Variants in BTG3 observed in about 807,000 individuals in gnomAD.
BTG3 encodes BTG anti-proliferation factor 3.
Under a neutral mutation model 25.8 loss-of-function variants are expected in BTG3, and 4 were observed. That is an observed-to-expected ratio of 0.16 (90% CI 0.08 to 0.36). The LOEUF (loss-of-function observed/expected upper bound fraction) is 0.36. Ranked by LOEUF, BTG3 falls within the 10% of genes least tolerant of loss-of-function variation. The pLI, the probability that BTG3 is intolerant of heterozygous loss-of-function variation, is 1.00. For missense variants in BTG3, 201 were observed against 304.9 expected, an observed-to-expected ratio of 0.66 and a Z score of 2.54; for synonymous variants, 107 against 99.9, an observed-to-expected ratio of 1.07 and a Z score of -0.42.
chr21:17,594,692 A>C (rs2061481647), intron 4 of BTG3, among the ~76,000 whole-genome samples: 3 of 152,168 alleles, frequency 2.0e-5, no homozygotes, highest in Non-Finnish European at 4.4e-5. Context: ...GAGGCTTTTA[A>C]ATACAAAACA....
chr21:17,599,706 C>CT (rs2061548557), intron 3 of BTG3, among the ~76,000 whole-genome samples: 1 of 152,144 alleles, frequency 6.6e-6, no homozygotes, highest in South Asian at 2.1e-4. Flanking sequence ...TCTTGAACTC[C>CT]TGACCTCAGG....
At chr21:17,605,050 G>A (rs1054784698) in intron 2 of BTG3, 53 bp from the exon 3 acceptor site, 139 of 1,578,428 alleles carry the variant, frequency 8.8e-5, no homozygotes, top group Middle Eastern at 1.7e-4. Flanking sequence ...AATCATAAAC[G>A]CCGTAATATC....
chr21:17,604,312 G>A (rs188337834), intron 3 of BTG3: 1 of 229,264 alleles, frequency 4.4e-6, no homozygotes, highest in East Asian at 1.7e-4. Flanking sequence ...GGGCACAGTG[G>A]TGGGCGCCTG....
At chr21:17,605,942 T>C (rs953644608) in intron 2 of BTG3, among the ~76,000 whole-genome samples, 1 of 152,194 alleles carries the variant, frequency 6.6e-6, no homozygotes, top group African/African-American at 2.4e-5. Flanking sequence ...AGTTAATTGA[T>C]GAATAGTAAT....
chr21:17,594,615 A>G (rs1347949681), intron 4 of BTG3, among the ~76,000 whole-genome samples: 2 of 152,100 alleles, frequency 1.3e-5, no homozygotes, highest in African/African-American at 4.8e-5. Flanking sequence ...GAACGAATGG[A>G]AGCTTGTAAG....
chr21:17,596,736 T>C (rs1030543119), intron 4 of BTG3, among the ~76,000 whole-genome samples: 2 of 152,108 alleles, frequency 1.3e-5, no homozygotes, highest in Non-Finnish European at 2.9e-5. Flanking sequence ...ATCCTCCTTT[T>C]TTAAAATTTT....
chr21:17,612,509 C>T (rs1283323528), intron 1 of BTG3, 190 bp downstream of exon 1: 3 of 150,782 alleles, frequency 2.0e-5, no homozygotes, highest in Non-Finnish European at 4.4e-5. Context: ...GGGCCGCCCT[C>T]GCGGCCCGCA....
intron 2 of BTG3, among the ~76,000 whole-genome samples, chr21:17,607,293 A>C (rs1209231470): frequency 1.3e-5 from 2 of 152,178 alleles, no homozygotes; most frequent in African/African-American, 2.4e-5. Context: ...TGGCACTTCC[A>C]AAAAGCCTTC....
chr21:17,607,422 TAA>T (rs964680841), intron 2 of BTG3, among the ~76,000 whole-genome samples: 4 of 152,122 alleles, frequency 2.6e-5, no homozygotes, highest in African/African-American at 9.7e-5. Context: ...AGAGATAAGA[TAA>T]AAAATGACTT....
At chr21:17,598,491 G>GTTC in intron 4 of BTG3, 126 bp downstream of exon 4, 1 of 764,084 alleles carries the variant, frequency 1.3e-6, no homozygotes. Context: ...CCTTAGCATG[G>GTTC]GGAAAGGCAA....
Position 17,606,372 on chromosome 21 carries a change from G to A in BTG3, c.174-1375C>T, listed in dbSNP as rs2824391. 6.3e-3 allele frequency among the ~76,000 whole-genome samples: 965 copies of A among 152,098 alleles called. 59 individuals are homozygous for A. In the East Asian group the frequency reaches 0.13, roughly 21 times the overall value. On this transcript the variant is annotated intron_variant, in intron 2 of 4. Coordinates refer to ENST00000348354, the MANE Select transcript of BTG3 (RefSeq NM_006806.5). ...CCTGTATATACGTACCTATCTTAGC[G>A]TCACCATTAACAATATAACAAAGGC...
At chr21:17,600,656 C>CA (rs1264066727) in intron 3 of BTG3, among the ~76,000 whole-genome samples, 2 of 149,104 alleles carry the variant, frequency 1.3e-5, no homozygotes, top group African/African-American at 4.9e-5. Flanking sequence ...CCCTGTCTCT[C>CA]AAAAAAACAA....
intron 3 of BTG3, among the ~76,000 whole-genome samples, chr21:17,603,174 T>C (rs141038528): frequency 6.0e-4 from 91 of 152,322 alleles, no homozygotes; most frequent in African/African-American, 2.1e-3. Context: ...AACAATTCAA[T>C]ATAGTAGCTT....
intron 3 of BTG3, among the ~76,000 whole-genome samples, chr21:17,603,959 G>A (rs1313997613): frequency 1.3e-5 from 2 of 152,324 alleles, no homozygotes; most frequent in African/African-American, 2.4e-5. Context: ...AAAGCAGAAT[G>A]TTGCTTTCGT....
At chr21:17,601,152 G>A (rs1239872171) in intron 3 of BTG3, among the ~76,000 whole-genome samples, 2 of 149,796 alleles carry the variant, frequency 1.3e-5, no homozygotes, top group Non-Finnish European at 3.0e-5. Context: ...GACAGAGTGA[G>A]ACTCCGTCTC....
Position 17,608,458 on chromosome 21 carries a change from A to G in BTG3, c.173+514T>C, listed in dbSNP as rs2824398. ...ACAGGTGAGTCACATTCATCTAGAAAATAGTTACACTGACTTCTACCACAA... is the reference window on the plus strand; with the variant it reads ...ACAGGTGAGTCACATTCATCTAGAAGATAGTTACACTGACTTCTACCACAA... On this transcript the variant is annotated intron_variant, in intron 2 of 4. Transcript: ENST00000348354. Among the ~76,000 whole-genome samples, 967 of 152,300 alleles carry G rather than the reference A, an allele frequency of 6.3e-3. 60 individuals are homozygous for G. The East Asian group carries it at 0.13, about 21-fold the overall frequency.
rs1433306760 is a variant in BTG3 at position 17,594,015 on chromosome 21, GAACTTTT to G, written c.*71_*77del. 21 of 1,501,906 alleles carry G rather than the reference GAACTTTT, an allele frequency of 1.4e-5. No homozygotes were observed. Among genetic ancestry groups the G allele is most frequent in the Middle Eastern group, 3.6e-4 (2 of 5,598 alleles). 93.0% of individuals were successfully genotyped at this position (1,501,906 alleles called of 1,614,324 possible). The stretch of plus-strand genomic sequence containing the variant: ...CATCTAACTTCACTACTATTAGTAA[GAACTTTT>G]AACTTTTAATGTGTAGTAAGGTTTA... On this transcript the variant is annotated 3_prime_UTR_variant, in exon 5 of 5. Coordinates refer to ENST00000348354, the MANE Select transcript of BTG3 (RefSeq NM_006806.5).
At chr21:17,599,711 C>T (rs535115347) in intron 3 of BTG3, among the ~76,000 whole-genome samples, 4 of 152,260 alleles carry the variant, frequency 2.6e-5, no homozygotes, top group African/African-American at 9.6e-5. Context: ...AACTCCTGAC[C>T]TCAGGTGATC....
At chr21:17,607,359 G>A (rs2061657392) in intron 2 of BTG3, among the ~76,000 whole-genome samples, 1 of 151,854 alleles carries the variant, frequency 6.6e-6, no homozygotes, top group Non-Finnish European at 1.5e-5. Context: ...CTTAACGAAA[G>A]CTGTTCACTC....
Sources: allele counts gnomAD v4.1 joint callset (sites outside exome capture counted in the v4.1 genomes callset), GRCh38; gene constraint gnomAD v4.1.1; transcripts MANE v1.5; gene names NCBI Gene and HGNC (gene_info 2026-07-23, HGNC 2026-07-21).